DRGX: variants seen among roughly 807,000 people sequenced by gnomAD.
The protein encoded by DRGX is dorsal root ganglia homeobox.
DRGX carries 21 observed loss-of-function variants against 28.6 expected under a neutral mutation model. The observed-to-expected ratio is 0.73, with a 90% CI of 0.52 to 1.06. The LOEUF (loss-of-function observed/expected upper bound fraction) is 1.06. Among genes scored for constraint, DRGX ranks in the 50% least tolerant of loss-of-function variants. The probability of loss-of-function intolerance (pLI) is 0.00; values close to 1 mark genes in which losing one functional copy is unlikely to be tolerated. For synonymous variants in DRGX, 136 were observed against 139.1 expected (o/e 0.98, Z 0.16); for missense variants, 354 against 343.9 (o/e 1.03, Z -0.23).
chr10:49,365,096 C>G lies in DRGX; in HGVS notation c.*1020G>C, dbSNP rs567542462. The stretch of plus-strand genomic sequence containing the variant: ...CCATGAGAAAGCTGTCTTCCCCATG[C>G]TCCATATCTGCACATACGCCGTTCC... On this transcript the variant is annotated 3_prime_UTR_variant, in exon 7 of 7. Transcript: ENST00000374139. 6.6e-6 allele frequency: 1 copy of G among 152,040 alleles called. No homozygotes were observed. The highest frequency in any genetic ancestry group is 2.1e-4 in the South Asian group (1 of 4,826). 9.4% of individuals were successfully genotyped at this position (152,040 alleles called of 1,614,324 possible).
intron 2 of DRGX, among the ~76,000 whole-genome samples, chr10:49,394,666 C>A (rs566413706): frequency 1.1e-3 from 160 of 152,320 alleles, no homozygotes; most frequent in African/African-American, 3.6e-3. Context: ...CCCTTCTCAC[C>A]AACCCACGCC....
At chr10:49,387,680 CAGAA>C (rs1328387281) in intron 4 of DRGX, among the ~76,000 whole-genome samples, 4 of 148,046 alleles carry the variant, frequency 2.7e-5, no homozygotes, top group Non-Finnish European at 4.5e-5. Flanking sequence ...AAAAAAAAGA[CAGAA>C]AGAAAAGACA....
At chr10:49,370,341 G>A (rs1849645345) in intron 6 of DRGX, among the ~76,000 whole-genome samples, 1 of 152,164 alleles carries the variant, frequency 6.6e-6, no homozygotes. Context: ...GGAAGTGGAG[G>A]TTGCAGTGAG....
intron 6 of DRGX, among the ~76,000 whole-genome samples, chr10:49,380,852 T>C (rs1281942187): frequency 2.0e-5 from 3 of 152,212 alleles, no homozygotes; most frequent in Non-Finnish European, 4.4e-5. Flanking sequence ...TGGAGGACTC[T>C]GGTCAACAAT....
At chr10:49,391,850 C>A in intron 2 of DRGX, 1 of 525,438 alleles carries the variant, frequency 1.9e-6, no homozygotes, top group East Asian at 5.5e-5. Flanking sequence ...GGTCACAGCT[C>A]ATCAGCACCA....
intron 4 of DRGX, among the ~76,000 whole-genome samples, chr10:49,387,342 G>T (rs1447272337): frequency 6.6e-6 from 1 of 152,094 alleles, no homozygotes; most frequent in Non-Finnish European, 1.5e-5. Context: ...TTCGTGATCA[G>T]CAGCCCAGTG....
intron 3 of DRGX, among the ~76,000 whole-genome samples, chr10:49,390,547 T>G (rs1158391317): frequency 6.6e-6 from 1 of 152,196 alleles, no homozygotes; most frequent in African/African-American, 2.4e-5. Context: ...AGTCACCTTA[T>G]GAACTGTTAG....
chr10:49,395,078 A>T (rs1238517675), intron 2 of DRGX, among the ~76,000 whole-genome samples: 2 of 152,190 alleles, frequency 1.3e-5, no homozygotes, highest in Non-Finnish European at 2.9e-5. Context: ...TGAAAGATTG[A>T]TGCGGCCCCC....
Position 49,391,144 on chromosome 10 carries a change from A to C in DRGX, c.132+20T>G. 6.2e-7 allele frequency: 1 copy of C among 1,612,958 alleles called. No individual in the cohort carries two copies. The highest frequency in any genetic ancestry group is 8.5e-7 in the Non-Finnish European group (1 of 1,179,200). Reference sequence around the variant, plus strand: ...AGGTAGGAAGTAGCTGATGTTTGAAAGGAGAATCAACGTTGGTACCTGCTG... The same window carrying C: ...AGGTAGGAAGTAGCTGATGTTTGAACGGAGAATCAACGTTGGTACCTGCTG... On this transcript the variant is annotated intron_variant, in intron 3 of 6. Transcript: ENST00000374139.
chr10:49,374,065 A>G (rs991233834), intron 6 of DRGX, among the ~76,000 whole-genome samples: 24 of 152,170 alleles, frequency 1.6e-4, no homozygotes, highest in African/African-American at 5.8e-4. Context: ...TGTTGAGGCT[A>G]TGAATTTTTT....
intron 4 of DRGX, among the ~76,000 whole-genome samples, chr10:49,388,607 T>C (rs1434281605): frequency 6.6e-6 from 1 of 152,252 alleles, no homozygotes; most frequent in Non-Finnish European, 1.5e-5. Context: ...TGAATGAAGG[T>C]CACAGCTATA....
intron 3 of DRGX, 55 bp downstream of exon 3, chr10:49,391,109 G>A: frequency 6.4e-7 from 1 of 1,558,860 alleles, no homozygotes; most frequent in Non-Finnish European, 8.8e-7. Flanking sequence ...GCTCAACTTT[G>A]ATTTGGGGGA....
chr10:49,389,479 C>T (rs1849875602), intron 4 of DRGX, among the ~76,000 whole-genome samples: 1 of 152,204 alleles, frequency 6.6e-6, no homozygotes, highest in South Asian at 2.1e-4. Flanking sequence ...GAATCCCTTC[C>T]TCTCGCACTT....
intron 2 of DRGX, chr10:49,391,906 A>G (rs761775464): frequency 4.0e-6 from 2 of 498,962 alleles, no homozygotes; most frequent in Non-Finnish European, 8.3e-6. Context: ...GATCTGCACC[A>G]ATAGTGACTG....
chr10:49,383,742 C>T (rs1203342700), intron 6 of DRGX, among the ~76,000 whole-genome samples: 1 of 152,196 alleles, frequency 6.6e-6, no homozygotes, highest in Non-Finnish European at 1.5e-5. Flanking sequence ...GGAGCTTGCT[C>T]TCTTTCCACA....
At chr10:49,377,753 A>G (rs141606243) in intron 6 of DRGX, among the ~76,000 whole-genome samples, 1 of 152,238 alleles carries the variant, frequency 6.6e-6, no homozygotes, top group Non-Finnish European at 1.5e-5. Context: ...ACCTCACGAA[A>G]GAGCCTAAGG....
chr10:49,394,954 C>T (rs1426683399), intron 2 of DRGX, among the ~76,000 whole-genome samples: 1 of 152,240 alleles, frequency 6.6e-6, no homozygotes, highest in African/African-American at 2.4e-5. Flanking sequence ...CGCCAGCGGC[C>T]CCAGTGAGAG....
chr10:49,384,310 C>T (rs373712539), intron 6 of DRGX, among the ~76,000 whole-genome samples: 14 of 152,308 alleles, frequency 9.2e-5, no homozygotes, highest in African/African-American at 2.9e-4. Context: ...CACGGTATGT[C>T]GCCGACCTCA....
At chr10:49,379,682 T>C (rs929666941) in intron 6 of DRGX, among the ~76,000 whole-genome samples, 4 of 152,202 alleles carry the variant, frequency 2.6e-5, no homozygotes, top group African/African-American at 9.6e-5. Context: ...AGGAAGGCCA[T>C]GGCCAGACCT....
Sources: allele counts gnomAD v4.1 joint callset (sites outside exome capture counted in the v4.1 genomes callset), GRCh38; gene constraint gnomAD v4.1.1; transcripts MANE v1.5; gene names NCBI Gene and HGNC (gene_info 2026-07-23, HGNC 2026-07-21).